The following POC5 variants were observed in gnomAD, a reference collection of about 807,000 sequenced individuals.
POC5 encodes the protein centrosomal protein POC5.
POC5 carries 48 observed loss-of-function variants against 62.9 expected under a neutral mutation model. The observed-to-expected ratio is 0.76, with a 90% confidence interval of 0.61 to 0.97. The LOEUF is 0.97. POC5 is among the 50% of genes least tolerant of loss of function. POC5 has a pLI of 0.00. For missense variants in POC5, 696 were observed against 679.5 expected (o/e 1.02, Z -0.27); for synonymous variants, 236 against 228.2 (o/e 1.03, Z -0.31).
At chr5:75,700,420 C>T (rs1485010059) in intron 5 of POC5, among the ~76,000 whole-genome samples, 1 of 151,866 alleles carries the variant, frequency 6.6e-6, no homozygotes, top group Non-Finnish European at 1.5e-5. Flanking sequence ...TGCCGCTTAT[C>T]TACAACTATC....
intron 7 of POC5, among the ~76,000 whole-genome samples, chr5:75,690,893 G>A (rs1776304545): frequency 6.6e-6 from 1 of 152,218 alleles, no homozygotes; most frequent in South Asian, 2.1e-4. Context: ...TGCCATCTTA[G>A]TTATGAATTT....
chr5:75,698,377 C>G (rs1260313275), intron 5 of POC5, among the ~76,000 whole-genome samples: 1 of 151,850 alleles, frequency 6.6e-6, no homozygotes, highest in South Asian at 2.1e-4. Context: ...TCTCTCAGAC[C>G]ACATGCAATC....
intron 2 of POC5, among the ~76,000 whole-genome samples, chr5:75,710,777 G>C (rs1443873890): frequency 6.6e-6 from 1 of 152,114 alleles, no homozygotes; most frequent in African/African-American, 2.4e-5. Flanking sequence ...ACTTTTTATA[G>C]TGTTCCTGCT....
At position 75,677,925 on chromosome 5, in the gene POC5, G is replaced by A. The variant is rs1330790023; in HGVS notation, c.1433C>T (p.Ala478Val). The A allele has an allele frequency of 6.2e-7, 1 of 1,601,948 alleles. No homozygotes were observed. Among genetic ancestry groups the A allele is most frequent in the African/African-American group, 1.3e-5 (1 of 74,256 alleles). ...AATAGTTCTTCCTGCTTTCTGTTGT[G>A]CAGAGGTTACAACTCTTGGCACATA... ...EMYVPRVVTSAQQKAGRTITA... is the reference protein window; with the variant it reads ...EMYVPRVVTSVQQKAGRTITA... Residue 478 changes from alanine to valine, a missense_variant, in exon 11 of 12, where the codon GCA (alanine) becomes GTA (valine). Ala to Val is a moderately conservative substitution (Grantham distance 64). Transcript: ENST00000428202.
chr5:75,677,472 A>G (rs1441874319), intron 11 of POC5: 1 of 178,888 alleles, frequency 5.6e-6, no homozygotes, highest in African/African-American at 2.3e-5. Context: ...AAGCATTTAC[A>G]TATTTTACTC....
chr5:75,675,424 T>C (rs1390060641), intron 11 of POC5, among the ~76,000 whole-genome samples: 2 of 152,182 alleles, frequency 1.3e-5, no homozygotes, highest in African/African-American at 4.8e-5. Context: ...ATTGTTAAAA[T>C]AGTTTAAGTA....
intron 9 of POC5, among the ~76,000 whole-genome samples, chr5:75,685,918 G>T (rs1776081691): frequency 6.6e-6 from 1 of 152,074 alleles, no homozygotes; most frequent in South Asian, 2.1e-4. Flanking sequence ...ACCACTTTCT[G>T]ATATCACTAT....
At chr5:75,699,457 A>C (rs935938825) in intron 5 of POC5, among the ~76,000 whole-genome samples, 3 of 151,478 alleles carry the variant, frequency 2.0e-5, no homozygotes, top group Non-Finnish European at 4.4e-5. Context: ...ACAGAACCAA[A>C]GACAAAAACC....
intron 6 of POC5, 24 bp downstream of exon 6, chr5:75,694,631 A>G (rs770211098): frequency 6.9e-7 from 1 of 1,439,498 alleles, no homozygotes; most frequent in Non-Finnish European, 9.3e-7. Flanking sequence ...AATCTCAGTT[A>G]AAAAGAAATA....
rs1263669716 is a variant in POC5 at position 75,692,824 on chromosome 5, A to AT, written c.691-325dup. On this transcript the variant is annotated intron_variant, in intron 6 of 11. Coordinates refer to ENST00000428202, the MANE Select transcript of POC5 (RefSeq NM_001099271.2). ...CAATTATACATTTGAAAGTTCTCCTATATACACCATGTCTTTATTCACTAG... is the reference window on the plus strand; with the variant it reads ...CAATTATACATTTGAAAGTTCTCCTATTATACACCATGTCTTTATTCACTAG... Among the ~76,000 whole-genome samples the AT allele has an allele frequency of 2.0e-5, 3 of 152,030 alleles. No homozygotes were observed. The East Asian group carries it at 5.8e-4, about 29-fold the overall frequency.
rs1432184640 is a variant in POC5, at chr5:75,698,005, CAAG to C, written c.514-3177_514-3175del. 8.5e-4 allele frequency among the ~76,000 whole-genome samples: 122 copies of C among 143,968 alleles called. No individual in the cohort carries two copies. The Middle Eastern group carries it at 0.014, about 16-fold the overall frequency. 94.4% of individuals were successfully genotyped at this position (143,968 alleles called of 152,430 possible). On this transcript the variant is annotated intron_variant, in intron 5 of 11. Coordinates refer to ENST00000428202, the MANE Select transcript of POC5 (RefSeq NM_001099271.2). Reference sequence around the variant, plus strand: ...CATAATGGTAAAGGGATCAATTCAACAAGAAGAGCTAACTATCCTAAATATATA... The same window carrying C: ...CATAATGGTAAAGGGATCAATTCAACAAGAGCTAACTATCCTAAATATATA...
intron 6 of POC5, among the ~76,000 whole-genome samples, chr5:75,693,252 A>C (rs1362958614): frequency 6.6e-6 from 1 of 151,312 alleles, no homozygotes; most frequent in Non-Finnish European, 1.5e-5. Context: ...CTTAAAAAAA[A>C]ATTCAGAAGG....
chr5:75,705,893 CA>C, intron 3 of POC5, 106 bp from the exon 4 acceptor site: 3 of 615,440 alleles, frequency 4.9e-6, no homozygotes, highest in Non-Finnish European at 5.4e-6. Flanking sequence ...TTAGAACAAA[CA>C]AAATACAACA....
intron 1 of POC5, among the ~76,000 whole-genome samples, chr5:75,716,770 A>C (rs903570852): frequency 1.3e-5 from 2 of 152,224 alleles, no homozygotes; most frequent in African/African-American, 4.8e-5. Context: ...GGCTGACAGC[A>C]AAACAGGGGT....
chr5:75,675,774 T>G (rs1165342562), intron 11 of POC5, among the ~76,000 whole-genome samples: 1 of 152,166 alleles, frequency 6.6e-6, no homozygotes, highest in African/African-American at 2.4e-5. Flanking sequence ...CAAGAGGAAC[T>G]GTAGAAATAA....
intron 10 of POC5, among the ~76,000 whole-genome samples, chr5:75,678,943 A>G (rs968639516): frequency 9.2e-5 from 14 of 152,114 alleles, no homozygotes; most frequent in Admixed American, 6.5e-4. Flanking sequence ...GAAATCTACT[A>G]TTCAAGTTGT....
intron 7 of POC5, among the ~76,000 whole-genome samples, 157 bp from the exon 8 acceptor site, chr5:75,690,719 G>A (rs943627248): frequency 3.9e-5 from 6 of 152,224 alleles, no homozygotes; most frequent in Admixed American, 3.9e-4. Context: ...AACAGGCTTA[G>A]AGAGGTTAAG....
At chr5:75,678,864 G>A (rs996363696) in intron 10 of POC5, among the ~76,000 whole-genome samples, 5 of 152,106 alleles carry the variant, frequency 3.3e-5, no homozygotes, top group African/African-American at 9.7e-5. Context: ...TTTACAGCAG[G>A]AATAACACGT....
At chr5:75,681,882 A>G (rs1186418543) in intron 10 of POC5, among the ~76,000 whole-genome samples, 1 of 152,212 alleles carries the variant, frequency 6.6e-6, no homozygotes, top group African/African-American at 2.4e-5. Flanking sequence ...TGATGGTTTC[A>G]CAGTAAGTTA....
Sources: gnomAD v4.1 joint callset for allele counts (sites outside exome capture counted in the v4.1 genomes callset) on GRCh38, gnomAD v4.1.1 for gene constraint, MANE v1.5 for transcripts, NCBI Gene and HGNC (gene_info 2026-07-23, HGNC 2026-07-21) for gene names.